ZFHX3: variants seen among roughly 807,000 people sequenced by gnomAD.
The protein encoded by ZFHX3 is zinc finger homeobox protein 3.
In ZFHX3, 42 loss-of-function variants were observed where a neutral mutation model predicts 279.1. That is an observed-to-expected ratio of 0.15 (90% confidence interval 0.12 to 0.19). ZFHX3 has a LOEUF of 0.19. Ranked by LOEUF, ZFHX3 falls within the 10% of genes least tolerant of loss-of-function variation. ZFHX3 has a pLI of 1.00. For synonymous variants in ZFHX3, 2,293 were observed against 1,957.8 expected (o/e 1.17, Z -4.52); for missense variants, 4,981 against 4,754.0 (o/e 1.05, Z -1.40).
chr16:73,688,190 C>G (rs540616778), intron 1 of ZFHX3, among the ~76,000 whole-genome samples: 1 of 151,952 alleles, frequency 6.6e-6, no homozygotes, highest in African/African-American at 2.4e-5. Flanking sequence ...AACCCCGTCT[C>G]TACTAAAAAT....
At chr16:73,151,939 A>G (rs879161367) in intron 5 of ZFHX3, among the ~76,000 whole-genome samples, 1 of 150,710 alleles carries the variant, frequency 6.6e-6, no homozygotes, top group Non-Finnish European at 1.5e-5. Context: ...CCCACACAGA[A>G]AAAAACAGAA....
chr16:72,888,162 C>T (rs748936997), intron 4 of ZFHX3, among the ~76,000 whole-genome samples: 12 of 152,148 alleles, frequency 7.9e-5, no homozygotes, highest in Non-Finnish European at 1.8e-4. Flanking sequence ...GAGGGCCATG[C>T]TCTTCTCCAT....
In ZFHX3 at chr16:72,787,719, A is replaced by ACCGCCGCCGCCG. The variant is rs751575363; in HGVS notation, c.10545_10556dup (p.Gly3524_Gly3527dup). 3.1e-6 allele frequency: 4 copies of ACCGCCGCCGCCG among 1,297,412 alleles called. No individual in the cohort carries two copies. Among genetic ancestry groups the ACCGCCGCCGCCG allele is most frequent in the East Asian group, 6.3e-5 (2 of 31,800 alleles). 80.4% of individuals were successfully genotyped at this position (1,297,412 alleles called of 1,614,324 possible). A position where few individuals can be genotyped will look rare whatever the true frequency, so the allele number is the denominator to read the frequency against. Reference sequence around the variant, plus strand: ...AGCCGCCGCCGCCGCCGCCGCCGCCACCGCCGCCGCCGCCGCCACTGCCAC... The same window carrying ACCGCCGCCGCCG: ...AGCCGCCGCCGCCGCCGCCGCCGCCACCGCCGCCGCCGCCGCCGCCGCCGCCGCCACTGCCAC... On this transcript the variant is annotated inframe_insertion, in exon 10 of 10. Transcript: ENST00000268489.
At chr16:73,432,969 C>G (rs149912590) in intron 3 of ZFHX3, among the ~76,000 whole-genome samples, 4 of 152,324 alleles carry the variant, frequency 2.6e-5, no homozygotes, top group African/African-American at 9.6e-5. Flanking sequence ...AATCACTCTA[C>G]TAGCTCCCAA....
intron 2 of ZFHX3, among the ~76,000 whole-genome samples, chr16:73,459,651 A>C (rs1367596099): frequency 6.6e-6 from 1 of 152,162 alleles, no homozygotes; most frequent in African/African-American, 2.4e-5. Flanking sequence ...TACAGGTGTG[A>C]GCCACCACGC....
At chr16:72,877,745 C>T (rs997432947) in intron 4 of ZFHX3, among the ~76,000 whole-genome samples, 3 of 152,184 alleles carry the variant, frequency 2.0e-5, no homozygotes, top group South Asian at 2.1e-4. Flanking sequence ...CAGACAAGCA[C>T]GTGCGTGGAT....
rs189631215 is a variant in ZFHX3, at chr16:73,700,124, G to A, written c.-1607-19884C>T. On this transcript the variant is annotated intron_variant, in intron 1 of 17. Transcript: ENST00000641206. ...TATGGTCTCAGCTACGTGAAAGGCC[G>A]ATGTGGGAGGATCACTTGAGCTGGG... is the stretch of plus-strand genomic sequence containing the variant. Among the ~76,000 whole-genome samples the A allele has an allele frequency of 6.3e-3, 955 of 152,150 alleles. 7 individuals carry two copies. The highest frequency in any genetic ancestry group is 9.6e-3 in the Non-Finnish European group (655 of 68,000).
chr16:73,627,157 A>T (rs1316086740), intron 2 of ZFHX3, among the ~76,000 whole-genome samples: 1 of 152,194 alleles, frequency 6.6e-6, no homozygotes, highest in Admixed American at 6.5e-5. Context: ...AATTTCACTA[A>T]AGGGTAAAGG....
intron 1 of ZFHX3, among the ~76,000 whole-genome samples, chr16:73,761,869 C>T (rs1345578758): frequency 2.6e-5 from 4 of 152,026 alleles, no homozygotes; most frequent in Non-Finnish European, 4.4e-5. Context: ...AAGCCCTAAA[C>T]CATAAAAACG....
intron 3 of ZFHX3, among the ~76,000 whole-genome samples, chr16:72,927,731 C>T (rs1277050395): frequency 1.3e-5 from 2 of 152,056 alleles, no homozygotes; most frequent in African/African-American, 2.4e-5. Context: ...ACACTCCCAG[C>T]ATTGTGCTCC....
intron 7 of ZFHX3, among the ~76,000 whole-genome samples, chr16:73,105,010 A>G (rs1261066199): frequency 6.6e-6 from 1 of 152,160 alleles, no homozygotes; most frequent in Non-Finnish European, 1.5e-5. Context: ...CGGAGGGAAG[A>G]GGACTACAAA....
At chr16:72,949,973 C>A (rs547225045) in intron 3 of ZFHX3, among the ~76,000 whole-genome samples, 1 of 132,858 alleles carries the variant, frequency 7.5e-6, no homozygotes, top group Non-Finnish European at 1.5e-5. Context: ...CAGAACAGTA[C>A]CTGTCATTGA....
intron 4 of ZFHX3, among the ~76,000 whole-genome samples, chr16:73,277,466 G>T (rs921201534): frequency 6.6e-6 from 1 of 152,016 alleles, no homozygotes; most frequent in African/African-American, 2.4e-5. Context: ...ATTAAAATCC[G>T]AAAGCATGAT....
intron 2 of ZFHX3, among the ~76,000 whole-genome samples, chr16:73,462,759 T>C (rs1360885287): frequency 6.6e-6 from 1 of 152,214 alleles, no homozygotes; most frequent in East Asian, 1.9e-4. Flanking sequence ...ATCCCTATAA[T>C]AAATGCCACT....
intron 1 of ZFHX3, among the ~76,000 whole-genome samples, chr16:73,784,300 G>T (rs9926766): frequency 0.084 from 12,767 of 151,910 alleles, 1,830 homozygotes; most frequent in African/African-American, 0.29. Context: ...TACATATCAA[G>T]TGCTTCACCT....
chr16:73,301,088 T>C (rs2143131792), intron 4 of ZFHX3, among the ~76,000 whole-genome samples: 1 of 152,360 alleles, frequency 6.6e-6, no homozygotes, highest in Admixed American at 6.5e-5. Context: ...GGACCAGCTA[T>C]CTTTTTCCAG....
chr16:73,757,070 G>A (rs137941499), intron 1 of ZFHX3, among the ~76,000 whole-genome samples: 37 of 152,264 alleles, frequency 2.4e-4, no homozygotes, highest in African/African-American at 7.9e-4. Flanking sequence ...GCTTACAGAT[G>A]CTTCAGTGTC....
chr16:72,889,391 G>C (rs57284987), intron 4 of ZFHX3, among the ~76,000 whole-genome samples: 5,152 of 151,362 alleles, frequency 0.034, 284 homozygotes, highest in African/African-American at 0.11. Context: ...TCTTAGAATA[G>C]AGGAGAGTAT....
At chr16:73,457,324 G>C (rs922756444) in intron 2 of ZFHX3, among the ~76,000 whole-genome samples, 1 of 152,182 alleles carries the variant, frequency 6.6e-6, no homozygotes, top group Non-Finnish European at 1.5e-5. Flanking sequence ...TGGTCTTTCA[G>C]GGACAGTTTC....
Sources: allele counts gnomAD v4.1 joint callset (sites outside exome capture counted in the v4.1 genomes callset), GRCh38; gene constraint gnomAD v4.1.1; transcripts MANE v1.5; gene names NCBI Gene and HGNC (gene_info 2026-07-23, HGNC 2026-07-21).